EBF4: variants seen among roughly 807,000 people sequenced by gnomAD.
EBF4 encodes the protein transcription factor COE4.
A neutral mutation model predicts 67.1 loss-of-function variants in EBF4; 34 were observed. The observed-to-expected ratio is 0.51, with a 90% CI of 0.39 to 0.67. EBF4 has a LOEUF of 0.67. Ranked by LOEUF, EBF4 falls within the 30% of genes least tolerant of loss-of-function variation. The pLI, the probability that EBF4 is intolerant of heterozygous loss-of-function variation, is 0.00. For synonymous variants in EBF4, 387 were observed against 377.7 expected (o/e 1.02, Z -0.29); for missense variants, 837 against 873.3 (o/e 0.96, Z 0.52).
chr20:2,751,856 C>T lies in EBF4; in HGVS notation c.1108-66C>T. ...TGGGCAAGGGGGTGAGGAGGGGCTC[C>T]CGAGGGCCCCTTGGTCGCCCCCAGG... On this transcript the variant is annotated intron_variant, in intron 11 of 16. Coordinates refer to ENST00000609451, the Ensembl canonical transcript of EBF4. The surrounding 1 kb of genome is among the most constrained non-coding windows in gnomAD (Gnocchi z 5.2). 1.3e-6 allele frequency: 2 copies of T among 1,537,698 alleles called. No homozygotes were observed. The highest frequency in any genetic ancestry group is 1.8e-6 in the Non-Finnish European group (2 of 1,136,942).
At chr20:2,693,534 C>G, upstream of EBF4, 1 of 1,246,632 alleles carries the variant, frequency 8.0e-7, no homozygotes, top group Non-Finnish European at 1.0e-6. The surrounding 1 kb of genome is among the most constrained non-coding windows in gnomAD (Gnocchi z 4.6). Flanking sequence ...CCGGACTCGG[C>G]GCTGCGCTGC....
chr20:2,749,322 A>C, intron 7 of EBF4, 79 bp from the exon 8 acceptor site: 1 of 1,083,686 alleles, frequency 9.2e-7, no homozygotes, highest in Non-Finnish European at 1.3e-6. Context: ...ACCAGCCTCA[A>C]GGTGCTGGTT....
chr20:2,737,986 G>T (rs572893865), intron 6 of EBF4, among the ~76,000 whole-genome samples: 9 of 151,222 alleles, frequency 6.0e-5, no homozygotes, highest in African/African-American at 1.7e-4. Flanking sequence ...AAAAAGTTCA[G>T]TGGGAACCAA....
At chr20:2,733,801 G>A (rs2087844996) in intron 6 of EBF4, among the ~76,000 whole-genome samples, 1 of 148,120 alleles carries the variant, frequency 6.8e-6, no homozygotes, top group Admixed American at 6.7e-5. Flanking sequence ...ATTAATACTA[G>A]CGATAGCTGA....
intron 1 of EBF4, among the ~76,000 whole-genome samples, chr20:2,702,222 C>G (rs942934360): frequency 6.6e-6 from 1 of 152,022 alleles, no homozygotes; most frequent in Non-Finnish European, 1.5e-5. Context: ...TCGCTTGAGC[C>G]CAGGAGTTCA....
At chr20:2,737,964 CAAA>C (rs5839970) in intron 6 of EBF4, among the ~76,000 whole-genome samples, 4 of 131,726 alleles carry the variant, frequency 3.0e-5, no homozygotes, top group Non-Finnish European at 5.0e-5. Context: ...GACTCCATTT[CAAA>C]AAAAAAAAAA....
At chr20:2,708,694 G>C (rs2087494945) in intron 5 of EBF4, among the ~76,000 whole-genome samples, 1 of 152,184 alleles carries the variant, frequency 6.6e-6, no homozygotes, top group Admixed American at 6.5e-5. Context: ...CTGCATTCTA[G>C]CCTGGGTGAC....
chr20:2,731,139 C>T (rs1205479173), intron 6 of EBF4, among the ~76,000 whole-genome samples: 7 of 152,122 alleles, frequency 4.6e-5, no homozygotes, highest in South Asian at 4.1e-4. Context: ...CCTCGTGATC[C>T]GCCCGCCTCA....
At chr20:2,725,934 C>T (rs2087741157) in intron 6 of EBF4, among the ~76,000 whole-genome samples, 1 of 152,152 alleles carries the variant, frequency 6.6e-6, no homozygotes, top group African/African-American at 2.4e-5. Flanking sequence ...ATTTCCCTTA[C>T]CGTTTTTATG....
Position 2,705,964 on chromosome 20 carries a change from G to A in EBF4, c.295-10G>A. ...GAGCACCCGAGCATCCTCCCATCTT[G>A]TCCCTGCAGGAGCCCGGGGCGGAAA... On this transcript the variant is annotated splice_polypyrimidine_tract_variant and intron_variant, in intron 2 of 16. Coordinates refer to ENST00000609451, the Ensembl canonical transcript of EBF4. 2 of 1,551,092 alleles carry A rather than the reference G, an allele frequency of 1.3e-6. No individual in the cohort carries two copies. Among genetic ancestry groups the A allele is most frequent in the Non-Finnish European group, 1.7e-6 (2 of 1,146,722 alleles).
chr20:2,712,006 A>G (rs2087550886), intron 6 of EBF4, among the ~76,000 whole-genome samples: 4 of 152,102 alleles, frequency 2.6e-5, no homozygotes, highest in Admixed American at 2.6e-4. Flanking sequence ...AAGGGAAAAC[A>G]AGGAGGCCCA....
At chr20:2,759,238 CCTT>C (rs1015605737) in intron 16 of EBF4, 27 bp from the exon 17 acceptor site, 9 of 547,278 alleles carry the variant, frequency 1.6e-5, no homozygotes, top group African/African-American at 1.5e-4. Flanking sequence ...TCCTCCCCGA[CCTT>C]CTTCTCTCCC....
In EBF4 at chr20:2,755,620, C is replaced by T. The variant is rs1181575193; in HGVS notation, c.1541-7C>T. 7.0e-7 allele frequency: 1 copy of T among 1,436,640 alleles called. No homozygotes were observed. The highest frequency in any genetic ancestry group is 2.0e-5 in the Admixed American group (1 of 50,776). The allele number at this position is 1,436,640 out of a possible 1,614,324, so 89.0% of individuals were successfully genotyped here. ...CTGCGCCTGCCCCTCCCCGCCCCGC[C>T]CCGGAGTCATGCCCTCTAGCCCCCC... is the stretch of plus-strand genomic sequence containing the variant. On this transcript the variant is annotated splice_polypyrimidine_tract_variant and splice_region_variant and intron_variant, in intron 14 of 16. Coordinates refer to ENST00000609451, the Ensembl canonical transcript of EBF4. This position sits in a 1 kb window ranked among gnomAD's most constrained non-coding sequence, Gnocchi z 4.7.
chr20:2,705,786 CACACACACA>C, intron 2 of EBF4, 53 bp downstream of exon 2: 1 of 113,794 alleles, frequency 8.8e-6, no homozygotes. Flanking sequence ...AACCCCCAAC[CACACACACA>C]CACACACACA....
intron 6 of EBF4, among the ~76,000 whole-genome samples, chr20:2,722,913 C>T (rs1030569898): frequency 1.3e-5 from 2 of 152,134 alleles, no homozygotes; most frequent in African/African-American, 4.8e-5. Context: ...CTAACCTAAT[C>T]GTGTGTCTTA....
intron 3 of EBF4, 44 bp from the exon 4 acceptor site, chr20:2,706,165 A>G: frequency 6.4e-7 from 1 of 1,551,336 alleles, no homozygotes; most frequent in South Asian, 1.2e-5. Flanking sequence ...TTGAGGCTGC[A>G]CATGCTCCCC....
In EBF4 at chr20:2,756,918, T is replaced by A. The variant is rs1381571816; in HGVS notation, c.1738+1094T>A. On this transcript the variant is annotated intron_variant, in intron 15 of 16. Transcript: ENST00000609451. This position sits in a 1 kb window ranked among gnomAD's most constrained non-coding sequence, Gnocchi z 4.5. ...TAGGAAACAGGAGATGCAAATTTAT[T>A]TGAGCACAAAAATGTATTTTTCTAA... is the stretch of plus-strand genomic sequence containing the variant. Among the ~76,000 whole-genome samples the A allele has an allele frequency of 6.6e-6, 1 of 152,242 alleles. No individual in the cohort carries two copies. The highest frequency in any genetic ancestry group is 1.9e-4 in the East Asian group (1 of 5,198).
intron 8 of EBF4, 48 bp from the exon 9 acceptor site, chr20:2,749,572 C>G: frequency 6.5e-7 from 1 of 1,543,298 alleles, no homozygotes; most frequent in Non-Finnish European, 8.7e-7. Flanking sequence ...GCCCCCCAGG[C>G]CCCACCTCAG....
At chr20:2,709,536 T>TGGCTTCTGCCTTCCCTCCTTCCTC in intron 5 of EBF4, 38 bp from the exon 6 acceptor site, 2 of 1,531,010 alleles carry the variant, frequency 1.3e-6, no homozygotes, top group South Asian at 1.2e-5. Flanking sequence ...CCTCCTTCCT[T>TGGCTTCTGCCTTCCCTCCTTCCTC]GGCTTCTGCC....
Sources: allele counts gnomAD v4.1 joint callset (sites outside exome capture counted in the v4.1 genomes callset), GRCh38; gene constraint gnomAD v4.1.1; non-coding constraint Gnocchi (gnomAD v3.1); transcripts MANE v1.5; gene names NCBI Gene and HGNC (gene_info 2026-07-23, HGNC 2026-07-21).